The following SAMD5 variants were observed in gnomAD, a reference collection of about 807,000 sequenced individuals.
SAMD5 encodes sterile alpha motif domain containing 5, also known as sterile alpha motif domain-containing protein 5.
In SAMD5, 13 loss-of-function variants were observed where a neutral mutation model predicts 11.3. The ratio of observed to expected loss-of-function variants is 1.15; its 90% CI spans 0.75 to 1.83. The LOEUF is 1.83. Ranked by LOEUF, SAMD5 falls within the 40% of genes most tolerant of loss-of-function variation. The pLI is 0.00. For missense variants in SAMD5, 255 were observed against 239.1 expected (o/e 1.07, Z -0.44); for synonymous variants, 129 against 111.3 (o/e 1.16, Z -1.00).
the SAMD5 span, among the ~76,000 whole-genome samples, chr6:147,851,028 T>G: frequency 6.7e-6 from 1 of 148,656 alleles, no homozygotes; most frequent in Non-Finnish European, 1.5e-5. Flanking sequence ...CTCACTGAAA[T>G]CTCTGCCTCC....
At chr6:147,945,700 G>C in the SAMD5 span, among the ~76,000 whole-genome samples, 1 of 152,174 alleles carries the variant, frequency 6.6e-6, no homozygotes, top group African/African-American at 2.4e-5. Flanking sequence ...AGAGTAAACA[G>C]TGGCAGGAAC....
chr6:147,512,979 C>T (rs976465490), intron 1 of SAMD5, among the ~76,000 whole-genome samples: 33 of 152,214 alleles, frequency 2.2e-4, no homozygotes, highest in African/African-American at 6.0e-4. Context: ...TGAGTACTGA[C>T]GGTTGAGCAT....
intron 1 of SAMD5, among the ~76,000 whole-genome samples, chr6:147,561,147 A>T (rs1270793256): frequency 6.6e-6 from 1 of 152,224 alleles, no homozygotes; most frequent in Non-Finnish European, 1.5e-5. Flanking sequence ...ACACCAAAAT[A>T]TAACTTGGTA....
chr6:147,743,807 C>T, the SAMD5 span, among the ~76,000 whole-genome samples: 5 of 152,166 alleles, frequency 3.3e-5, no homozygotes, highest in African/African-American at 7.2e-5. Context: ...AATGTTAATT[C>T]ATAAGTAATA....
intron 1 of SAMD5, among the ~76,000 whole-genome samples, chr6:147,546,813 T>G (rs1183874587): frequency 6.6e-6 from 1 of 152,218 alleles, no homozygotes; most frequent in Non-Finnish European, 1.5e-5. Flanking sequence ...TTTAAAAAAT[T>G]TCTTGATATC....
chr6:147,642,017 A>T (rs567961682), intron 1 of SAMD5, among the ~76,000 whole-genome samples: 1 of 152,332 alleles, frequency 6.6e-6, no homozygotes, highest in South Asian at 2.1e-4. Flanking sequence ...GCTTTAATTC[A>T]TACAGATCCA....
Position 147,533,646 on chromosome 6 carries a change from G to A in SAMD5, c.459+24259G>A, listed in dbSNP as rs759252010. Among the ~76,000 whole-genome samples, 59 of 151,846 alleles carry A rather than the reference G, an allele frequency of 3.9e-4. 2 individuals are homozygous for A. Among genetic ancestry groups the A allele is most frequent in the Non-Finnish European group, 1.0e-4 (7 of 67,958 alleles). On this transcript the variant is annotated intron_variant, in intron 1 of 1. Transcript: ENST00000367474. ...GAGAAATAAAACCTAGAGGATGTGTGTCTCCCCTCTCCCCCTTCCTCCTCC... is the reference window on the plus strand; with the variant it reads ...GAGAAATAAAACCTAGAGGATGTGTATCTCCCCTCTCCCCCTTCCTCCTCC...
intron 1 of SAMD5, among the ~76,000 whole-genome samples, chr6:147,632,756 A>C (rs978457842): frequency 2.0e-5 from 3 of 152,246 alleles, no homozygotes; most frequent in African/African-American, 7.2e-5. Context: ...TCTTAAAATA[A>C]TAATAAGCCT....
At chr6:147,704,820 G>A (rs1400623370) in intron 1 of SAMD5, among the ~76,000 whole-genome samples, 2 of 152,210 alleles carry the variant, frequency 1.3e-5, no homozygotes, top group Admixed American at 1.3e-4. Context: ...AAGCTTTTCT[G>A]TTCCTCCTTG....
chr6:147,853,977 A>C, the SAMD5 span, among the ~76,000 whole-genome samples: 1 of 152,194 alleles, frequency 6.6e-6, no homozygotes, highest in Non-Finnish European at 1.5e-5. Flanking sequence ...ATTGCTTAAA[A>C]ATACTCATTA....
At chr6:147,559,010 C>A (rs937461304) in intron 1 of SAMD5, among the ~76,000 whole-genome samples, 1 of 152,094 alleles carries the variant, frequency 6.6e-6, no homozygotes, top group Non-Finnish European at 1.5e-5. Flanking sequence ...GTGACCTAGC[C>A]CCCACTTCTT....
the SAMD5 span, among the ~76,000 whole-genome samples, chr6:147,755,262 G>A: frequency 6.6e-6 from 1 of 151,902 alleles, no homozygotes; most frequent in Non-Finnish European, 1.5e-5. Context: ...TTTCATTATA[G>A]AGATCTTCCA....
chr6:147,885,278 G>A, the SAMD5 span, among the ~76,000 whole-genome samples: 2 of 152,092 alleles, frequency 1.3e-5, no homozygotes, highest in African/African-American at 2.4e-5. Flanking sequence ...GGGCAACATA[G>A]CAATAGCAAG....
the SAMD5 span, among the ~76,000 whole-genome samples, chr6:147,843,870 G>C: frequency 6.6e-6 from 1 of 152,142 alleles, no homozygotes; most frequent in African/African-American, 2.4e-5. Flanking sequence ...TTAGATGTAA[G>C]ACATGAAACT....
chr6:147,885,507 T>TA, the SAMD5 span, among the ~76,000 whole-genome samples: 5 of 151,662 alleles, frequency 3.3e-5, no homozygotes, highest in Admixed American at 2.0e-4. Flanking sequence ...TCCCTCAAAT[T>TA]AAAAAAAGTA....
At chr6:147,626,553 C>A (rs1046357) in intron 1 of SAMD5, among the ~76,000 whole-genome samples, 65,481 of 151,394 alleles carry the variant, frequency 0.43, 14,609 homozygotes, top group Middle Eastern at 0.52. Context: ...AGTCTTGAAA[C>A]ATTACTTACC....
the SAMD5 span, among the ~76,000 whole-genome samples, chr6:147,929,560 A>G: frequency 6.6e-6 from 1 of 152,246 alleles, no homozygotes; most frequent in Admixed American, 6.5e-5. Context: ...AATAAAAGGA[A>G]AAATTATAAT....
At chr6:147,698,799 G>A (rs1268021066) in intron 1 of SAMD5, among the ~76,000 whole-genome samples, 1 of 152,190 alleles carries the variant, frequency 6.6e-6, no homozygotes, top group Non-Finnish European at 1.5e-5. Flanking sequence ...GTGATATCAT[G>A]GAGATTAAAC....
At chr6:147,930,188 A>G in the SAMD5 span, among the ~76,000 whole-genome samples, 20 of 152,122 alleles carry the variant, frequency 1.3e-4, no homozygotes, top group Admixed American at 1.3e-3. Flanking sequence ...GTTCCCAATA[A>G]GTTCCTCATT....
Sources: gnomAD v4.1 joint callset for allele counts (sites outside exome capture counted in the v4.1 genomes callset) on GRCh38, gnomAD v4.1.1 for gene constraint, MANE v1.5 for transcripts, NCBI Gene and HGNC (gene_info 2026-07-23, HGNC 2026-07-21) for gene names.